Variants in NELL1 observed in about 807,000 individuals in gnomAD.
NELL1 encodes the protein protein kinase C-binding protein NELL1.
In NELL1, 76 loss-of-function variants were observed where a neutral mutation model predicts 107.4. The observed-to-expected ratio is 0.71, with a 90% CI of 0.59 to 0.86. The LOEUF (loss-of-function observed/expected upper bound fraction) is 0.86. NELL1 is among the 40% of genes least tolerant of loss of function. The probability of loss-of-function intolerance (pLI) is 0.00; values close to 1 mark genes in which losing one functional copy is unlikely to be tolerated. For synonymous variants in NELL1, 353 were observed against 341.2 expected (o/e 1.03, Z -0.38); for missense variants, 1,024 against 1,005.5 (o/e 1.02, Z -0.25).
At chr11:20,819,548 A>G (rs1202289390) in intron 3 of NELL1, among the ~76,000 whole-genome samples, 1 of 152,210 alleles carries the variant, frequency 6.6e-6, no homozygotes, top group Non-Finnish European at 1.5e-5. Flanking sequence ...GACAACTGCA[A>G]TGTCTGTTTC....
chr11:21,221,173 T>G (rs145010495), intron 13 of NELL1, among the ~76,000 whole-genome samples: 1 of 152,338 alleles, frequency 6.6e-6, no homozygotes, highest in Non-Finnish European at 1.5e-5. Context: ...TTGTGATTTA[T>G]GTCTCACATT....
At chr11:20,882,396 G>T (rs1393159695) in intron 4 of NELL1, among the ~76,000 whole-genome samples, 1 of 152,034 alleles carries the variant, frequency 6.6e-6, no homozygotes, top group Non-Finnish European at 1.5e-5. Context: ...GGACCTTGTT[G>T]GTTTTTTCTC....
intron 3 of NELL1, among the ~76,000 whole-genome samples, chr11:20,822,313 C>T (rs548666475): frequency 6.6e-6 from 1 of 152,290 alleles, no homozygotes; most frequent in South Asian, 2.1e-4. Context: ...TAAGTCCTCA[C>T]AGAAAGAAAT....
intron 3 of NELL1, among the ~76,000 whole-genome samples, chr11:20,828,047 A>C (rs984434999): frequency 4.0e-5 from 6 of 151,296 alleles, no homozygotes; most frequent in African/African-American, 1.4e-4. Flanking sequence ...CATGGAGCAG[A>C]AAGGGCATCT....
At chr11:21,207,977 T>A (rs758735013) in intron 13 of NELL1, among the ~76,000 whole-genome samples, 2 of 152,206 alleles carry the variant, frequency 1.3e-5, no homozygotes, top group Non-Finnish European at 2.9e-5. Flanking sequence ...GTTACAATAG[T>A]GAAGCATTTA....
At chr11:21,493,423 T>C (rs1487442069) in intron 15 of NELL1, among the ~76,000 whole-genome samples, 1 of 152,074 alleles carries the variant, frequency 6.6e-6, no homozygotes, top group African/African-American at 2.4e-5. Context: ...AATGAAATCA[T>C]GTAATTTGAA....
intron 15 of NELL1, among the ~76,000 whole-genome samples, chr11:21,449,142 C>T (rs962660415): frequency 6.6e-6 from 1 of 152,152 alleles, no homozygotes; most frequent in Non-Finnish European, 1.5e-5. Context: ...AAACTGTTTT[C>T]GAAATTGATT....
chr11:20,707,681 A>G (rs1465637510), intron 2 of NELL1, among the ~76,000 whole-genome samples: 1 of 152,222 alleles, frequency 6.6e-6, no homozygotes, highest in Non-Finnish European at 1.5e-5. Flanking sequence ...GCTGCAGAAT[A>G]GCAAGTATTG....
At chr11:21,123,184 A>T (rs1052650852) in intron 13 of NELL1, among the ~76,000 whole-genome samples, 2 of 152,164 alleles carry the variant, frequency 1.3e-5, no homozygotes, top group Non-Finnish European at 2.9e-5. Flanking sequence ...AGTTTGACCT[A>T]CCTATTCATA....
intron 16 of NELL1, among the ~76,000 whole-genome samples, chr11:21,538,637 A>G (rs554711896): frequency 5.3e-5 from 8 of 152,258 alleles, no homozygotes; most frequent in African/African-American, 1.2e-4. Flanking sequence ...GTAGGGTACA[A>G]TGCACTCTGT....
At chr11:20,766,448 G>A (rs1856530161) in intron 2 of NELL1, among the ~76,000 whole-genome samples, 1 of 152,156 alleles carries the variant, frequency 6.6e-6, no homozygotes, top group Admixed American at 6.5e-5. Flanking sequence ...CCACCAACTG[G>A]CTTTTAGCCA....
intron 2 of NELL1, among the ~76,000 whole-genome samples, chr11:20,733,215 C>G (rs1855687448): frequency 6.6e-6 from 1 of 152,214 alleles, no homozygotes; most frequent in African/African-American, 2.4e-5. Flanking sequence ...TCTCCTACAT[C>G]TGTTGCTCTG....
At chr11:20,878,082 C>T (rs10833405) in intron 4 of NELL1, among the ~76,000 whole-genome samples, 25 of 152,034 alleles carry the variant, frequency 1.6e-4, no homozygotes, top group Admixed American at 1.6e-3. Context: ...CCATTTGGGC[C>T]GGGCGCGGTG....
chr11:21,349,660 T>A (rs186557241), intron 14 of NELL1, among the ~76,000 whole-genome samples: 1 of 152,158 alleles, frequency 6.6e-6, no homozygotes, highest in Non-Finnish European at 1.5e-5. Flanking sequence ...ATCACTTGAG[T>A]TTGGGAATGT....
chr11:20,967,335 T>C (rs1041608985), intron 12 of NELL1, among the ~76,000 whole-genome samples: 1 of 138,834 alleles, frequency 7.2e-6, no homozygotes, highest in African/African-American at 3.1e-5. Context: ...CTTAGGTAAC[T>C]TTTTTTTTTT....
At chr11:21,487,868 G>A (rs945201139) in intron 15 of NELL1, among the ~76,000 whole-genome samples, 5 of 151,982 alleles carry the variant, frequency 3.3e-5, no homozygotes, top group Admixed American at 2.6e-4. Context: ...CTAACAACCG[G>A]GAGGAGTAGC....
intron 3 of NELL1, among the ~76,000 whole-genome samples, chr11:20,805,994 G>C (rs115535029): frequency 0.01 from 1,552 of 152,020 alleles, 33 homozygotes; most frequent in African/African-American, 0.035. Flanking sequence ...TCATGTTTTT[G>C]TTTTTCTACT....
intron 12 of NELL1, among the ~76,000 whole-genome samples, chr11:21,059,075 G>A (rs1853675414): frequency 6.6e-6 from 1 of 151,968 alleles, no homozygotes; most frequent in Non-Finnish European, 1.5e-5. Flanking sequence ...AATATACTGG[G>A]CACAGGATGA....
chr11:21,412,008 T>G (rs143591685), intron 15 of NELL1, among the ~76,000 whole-genome samples: 39 of 152,240 alleles, frequency 2.6e-4, no homozygotes, highest in African/African-American at 9.1e-4. Flanking sequence ...GTGTGAGTTC[T>G]GTTCACCCCA....
Sources: allele counts gnomAD v4.1 joint callset (sites outside exome capture counted in the v4.1 genomes callset), GRCh38; gene constraint gnomAD v4.1.1; transcripts MANE v1.5; gene names NCBI Gene and HGNC (gene_info 2026-07-23, HGNC 2026-07-21).